Variants in DCAF5 observed in about 807,000 individuals in gnomAD.
The protein encoded by DCAF5 is DDB1 and CUL4 associated factor 5.
Under a neutral mutation model 80.7 loss-of-function variants are expected in DCAF5, and 9 were observed. The ratio of observed to expected loss-of-function variants is 0.11; its 90% confidence interval spans 0.07 to 0.19. The LOEUF (loss-of-function observed/expected upper bound fraction) is 0.19, where lower values mean the gene tolerates loss of function less well. DCAF5 is among the 10% of genes least tolerant of loss of function. The probability of loss-of-function intolerance (pLI) is 1.00; values close to 1 mark genes in which losing one functional copy is unlikely to be tolerated. For synonymous variants in DCAF5, 433 were observed against 461.9 expected (o/e 0.94, Z 0.80); for missense variants, 842 against 1,205.7 (o/e 0.70, Z 4.47).
At chr14:69,062,331 A>G in intron 8 of DCAF5, 53 bp downstream of exon 8, 1 of 1,593,206 alleles carries the variant, frequency 6.3e-7, no homozygotes, top group Non-Finnish European at 8.6e-7. Context: ...AGTTTCTTCT[A>G]ATTATAAATT....
In DCAF5 at chr14:69,053,761, T is replaced by G. The variant is rs2037836748; in HGVS notation, c.*96A>C. 4 of 1,265,396 alleles carry G rather than the reference T, an allele frequency of 3.2e-6. No individual in the cohort carries two copies. The South Asian group carries it at 6.3e-5, about 20-fold the overall frequency. The allele number at this position is 1,265,396 out of a possible 1,614,324, so 78.4% of individuals were successfully genotyped here. On this transcript the variant is annotated 3_prime_UTR_variant, in exon 9 of 9. Coordinates refer to ENST00000341516, the MANE Select transcript of DCAF5 (RefSeq NM_003861.3). ...ATTTCAGGCCCTGGTTTCATGTGCC[T>G]TTAATACTTGTTTTTCCTTTCCTCT...
chr14:69,105,675 T>A (rs1282104881), intron 5 of DCAF5, among the ~76,000 whole-genome samples: 2 of 151,858 alleles, frequency 1.3e-5, no homozygotes, highest in Non-Finnish European at 2.9e-5. Context: ...CCTCTCCTCC[T>A]GCCCTTGGAC....
chr14:69,085,547 A>C (rs1283999278), intron 6 of DCAF5, among the ~76,000 whole-genome samples: 1 of 152,202 alleles, frequency 6.6e-6, no homozygotes, highest in East Asian at 1.9e-4. Context: ...ACTTCTATCA[A>C]GTCTCTCTTA....
chr14:69,053,949 C>G lies in DCAF5; in HGVS notation c.2737G>C (p.Val913Leu). ...DTPATDSSRAVHGHSGLKRQR... is the reference protein window; with the variant it reads ...DTPATDSSRALHGHSGLKRQR... ...CTTTTGAGGCCACTGTGGCCATGAA[C>G]AGCCCTGCTACTATCTGTGGCTGGG... Residue 913 changes from valine (V) to leucine (L), a missense_variant, in exon 9 of 9, where the codon GTT becomes CTT. Around this residue, in one of 5 missense-constraint regions of DCAF5, gnomAD observed 607 missense variants for 656.6 expected, o/e 0.92. Transcript: ENST00000341516. 1 of 1,613,150 alleles carries G rather than the reference C, an allele frequency of 6.2e-7. No homozygotes were observed. Among genetic ancestry groups the G allele is most frequent in the Non-Finnish European group, 8.5e-7 (1 of 1,179,704 alleles).
rs1370995918 is a variant in DCAF5, at chr14:69,116,274, A to G, written c.665+92T>C. 3 of 1,456,738 alleles carry G rather than the reference A, an allele frequency of 2.1e-6. No homozygotes were observed. The African/African-American group carries it at 4.2e-5, about 21-fold the overall frequency. The allele number at this position is 1,456,738 out of a possible 1,614,324, so 90.2% of individuals were successfully genotyped here. A position where few individuals can be genotyped will look rare whatever the true frequency, so the allele number is the denominator to read the frequency against. On this transcript the variant is annotated intron_variant, in intron 5 of 8. Coordinates refer to ENST00000341516, the MANE Select transcript of DCAF5 (RefSeq NM_003861.3). ...GAAATGCCCAGCAGAGATAACTGCC[A>G]AAGAGGTCCTTACAACACTTACTGG...
At chr14:69,122,468 C>T (rs2040751447) in intron 1 of DCAF5, 108 bp from the exon 2 acceptor site, 5 of 1,219,396 alleles carry the variant, frequency 4.1e-6, no homozygotes, top group Non-Finnish European at 5.7e-6. Flanking sequence ...ACCTCCCCAA[C>T]TCCATAAGAT....
At chr14:69,134,531 A>G (rs1414736687) in intron 1 of DCAF5, among the ~76,000 whole-genome samples, 2 of 152,252 alleles carry the variant, frequency 1.3e-5, no homozygotes, top group East Asian at 3.8e-4. Context: ...AGAGGCTGCA[A>G]TTTGATATAC....
At chr14:69,124,891 T>C (rs2040829856) in intron 1 of DCAF5, among the ~76,000 whole-genome samples, 1 of 152,176 alleles carries the variant, frequency 6.6e-6, no homozygotes, top group Non-Finnish European at 1.5e-5. Flanking sequence ...AGTATTTCTC[T>C]ATACTTATGT....
intron 8 of DCAF5, among the ~76,000 whole-genome samples, chr14:69,060,898 ATTTTTTT>A (rs1001460487): frequency 7.3e-5 from 11 of 151,688 alleles, no homozygotes; most frequent in African/African-American, 2.7e-4. Context: ...CTGGATAGTT[ATTTTTTT>A]AAGAACAAAA....
At chr14:69,068,698 CAAA>C (rs201955188) in intron 7 of DCAF5, among the ~76,000 whole-genome samples, 8 of 68,012 alleles carry the variant, frequency 1.2e-4, no homozygotes, top group Non-Finnish European at 1.8e-4. Context: ...AACTCCATCT[CAAA>C]AAAAAAAAAA....
chr14:69,085,691 T>C (rs891643036), intron 6 of DCAF5, among the ~76,000 whole-genome samples: 6 of 152,256 alleles, frequency 3.9e-5, no homozygotes, highest in Non-Finnish European at 8.8e-5. Flanking sequence ...TGTATGTTAC[T>C]GTTTTAATTA....
intron 6 of DCAF5, chr14:69,091,106 C>G (rs1217129843): frequency 5.3e-6 from 4 of 757,690 alleles, no homozygotes. Flanking sequence ...TGGTGAGACT[C>G]AGAAAAGGCT....
At chr14:69,077,365 C>CCTAT (rs2038939351) in intron 6 of DCAF5, among the ~76,000 whole-genome samples, 2 of 144,032 alleles carry the variant, frequency 1.4e-5, no homozygotes, top group African/African-American at 5.3e-5. Flanking sequence ...CGACATGTAG[C>CCTAT]TTATTTATTT....
At position 69,085,193 on chromosome 14, in the gene DCAF5, A is replaced by G. The variant is rs535647024; in HGVS notation, c.879+6481T>C. On this transcript the variant is annotated intron_variant, in intron 6 of 8. Coordinates refer to ENST00000341516, the MANE Select transcript of DCAF5 (RefSeq NM_003861.3). ...AGATCTTTAATGTTTAATAACTTAAATTTGCCTCAAGTTGCTGTCATTGGT... is the reference window on the plus strand; with the variant it reads ...AGATCTTTAATGTTTAATAACTTAAGTTTGCCTCAAGTTGCTGTCATTGGT... The G allele has an allele frequency of 1.1e-4, 81 of 726,062 alleles. No homozygotes were observed. In the African/African-American group the frequency reaches 1.4e-3, roughly 12 times the overall value. 45.0% of individuals were successfully genotyped at this position (726,062 alleles called of 1,614,324 possible). A position where few individuals can be genotyped will look rare whatever the true frequency, so the allele number is the denominator to read the frequency against.
chr14:69,137,768 G>T (rs879621253), intron 1 of DCAF5, among the ~76,000 whole-genome samples: 4 of 152,132 alleles, frequency 2.6e-5, no homozygotes, highest in East Asian at 3.8e-4. Context: ...GTCAACCAGG[G>T]TCCGAAAATA....
intron 3 of DCAF5, 52 bp downstream of exon 3, chr14:69,119,142 T>C: frequency 6.3e-7 from 1 of 1,587,864 alleles, no homozygotes; most frequent in Non-Finnish European, 8.6e-7. Flanking sequence ...ATTTGCCTCT[T>C]CATATATGAA....
At chr14:69,065,190 C>A (rs1270693392) in intron 7 of DCAF5, among the ~76,000 whole-genome samples, 2 of 151,518 alleles carry the variant, frequency 1.3e-5, no homozygotes, top group African/African-American at 2.4e-5. Context: ...CTCCACCTCC[C>A]AGGTTCAAGC....
intron 7 of DCAF5, among the ~76,000 whole-genome samples, chr14:69,067,337 C>CTT (rs58620965): frequency 0.037 from 4,255 of 114,516 alleles, 134 homozygotes; most frequent in African/African-American, 0.06. Flanking sequence ...GATTTCGTAT[C>CTT]TTTTTTTTTT....
intron 5 of DCAF5, among the ~76,000 whole-genome samples, chr14:69,098,151 C>T (rs1277771511): frequency 7.4e-6 from 1 of 135,436 alleles, no homozygotes; most frequent in African/African-American, 2.7e-5. Context: ...GACTCTCTTA[C>T]CTTATTCAAC....
Sources: gnomAD v4.1 joint callset for allele counts (sites outside exome capture counted in the v4.1 genomes callset) on GRCh38, gnomAD v4.1.1 for gene constraint, gnomAD v4.1.1 regional missense constraint, MANE v1.5 for transcripts, NCBI Gene and HGNC (gene_info 2026-07-23, HGNC 2026-07-21) for gene names.